Variants in C1orf21 observed in about 807,000 individuals in gnomAD.
The protein encoded by C1orf21 is uncharacterized protein C1orf21.
A neutral mutation model predicts 18.7 loss-of-function variants in C1orf21; 3 were observed. That is an observed-to-expected ratio of 0.16 (90% CI 0.07 to 0.42). The LOEUF is 0.42. Among genes scored for constraint, C1orf21 ranks in the 10% least tolerant of loss-of-function variants. The probability of loss-of-function intolerance (pLI) is 0.99; values close to 1 mark genes in which losing one functional copy is unlikely to be tolerated. For missense variants in C1orf21, 104 were observed against 143.6 expected, an observed-to-expected ratio of 0.72 and a Z score of 1.41; for synonymous variants, 41 against 46.4, an observed-to-expected ratio of 0.88 and a Z score of 0.47.
In C1orf21 at chr1:184,447,196, G is replaced by A. The variant is rs890637412; in HGVS notation, c.-124-30190G>A. 3.3e-5 allele frequency among the ~76,000 whole-genome samples: 5 copies of A among 152,234 alleles called. No homozygotes were observed. The South Asian group carries it at 1.0e-3, about 32-fold the overall frequency. ...TGTCTCCTTCCTCAGTCCTCTCCTA[G>A]TCTTGCTTTATACTAGGCATTCTTG... On this transcript the variant is annotated intron_variant, in intron 1 of 5. Coordinates refer to ENST00000235307, the MANE Select transcript of C1orf21 (RefSeq NM_030806.4).
intron 1 of C1orf21, among the ~76,000 whole-genome samples, chr1:184,447,732 C>G (rs1303636682): frequency 6.6e-6 from 1 of 152,158 alleles, no homozygotes; most frequent in East Asian, 1.9e-4. Flanking sequence ...GACATCTCTC[C>G]CCTGGTCACT....
At chr1:184,457,663 C>T (rs1227448122) in intron 1 of C1orf21, among the ~76,000 whole-genome samples, 2 of 152,090 alleles carry the variant, frequency 1.3e-5, no homozygotes, top group African/African-American at 4.8e-5. Flanking sequence ...TGGTGCCTCT[C>T]CGATGGGTAT....
At chr1:184,479,638 T>G (rs1442764004) in intron 2 of C1orf21, among the ~76,000 whole-genome samples, 1 of 147,848 alleles carries the variant, frequency 6.8e-6, no homozygotes, top group Admixed American at 6.8e-5. Context: ...TTTTTTTTTT[T>G]TGAGACAGTC....
chr1:184,488,582 T>C (rs1263349723), intron 2 of C1orf21, among the ~76,000 whole-genome samples: 1 of 152,254 alleles, frequency 6.6e-6, no homozygotes, highest in Non-Finnish European at 1.5e-5. Flanking sequence ...TATTCTGTTA[T>C]TTGTGATTAT....
chr1:184,510,083 G>A (rs1483255742), intron 3 of C1orf21, among the ~76,000 whole-genome samples: 1 of 152,182 alleles, frequency 6.6e-6, no homozygotes, highest in African/African-American at 2.4e-5. Context: ...AAAACAAAAG[G>A]AAAGAATAAA....
chr1:184,590,257 A>C (rs1383878705), intron 3 of C1orf21, among the ~76,000 whole-genome samples: 2 of 152,218 alleles, frequency 1.3e-5, no homozygotes, highest in Non-Finnish European at 1.5e-5. Context: ...ATTGAATTCA[A>C]TCTCAGCATT....
At chr1:184,612,372 C>G (rs1659749094) in intron 5 of C1orf21, among the ~76,000 whole-genome samples, 1 of 152,218 alleles carries the variant, frequency 6.6e-6, no homozygotes, top group Non-Finnish European at 1.5e-5. Context: ...ACTCCATTGC[C>G]CTACCCATGA....
chr1:184,510,724 G>A (rs1011503254), intron 3 of C1orf21, among the ~76,000 whole-genome samples: 10 of 152,198 alleles, frequency 6.6e-5, no homozygotes, highest in Middle Eastern at 3.2e-3. Context: ...GAGCCTTAAT[G>A]TCCAGCCAAG....
chr1:184,446,511 A>G (rs1016418673), intron 1 of C1orf21, among the ~76,000 whole-genome samples: 2 of 152,196 alleles, frequency 1.3e-5, no homozygotes, highest in Non-Finnish European at 2.9e-5. Flanking sequence ...TCTGCAGGAT[A>G]TAGAAGAATT....
intron 1 of C1orf21, among the ~76,000 whole-genome samples, chr1:184,458,737 T>TA (rs35836510): frequency 9.9e-5 from 15 of 152,182 alleles, no homozygotes; most frequent in African/African-American, 1.9e-4. Flanking sequence ...ATATGTGCCA[T>TA]AAAAAATCTT....
chr1:184,539,320 T>A (rs1203691116), intron 3 of C1orf21, among the ~76,000 whole-genome samples: 5 of 152,216 alleles, frequency 3.3e-5, no homozygotes, highest in Non-Finnish European at 7.3e-5. Flanking sequence ...TGTTGAACCA[T>A]CTTGGCATTC....
chr1:184,408,544 A>G (rs1451108061), intron 1 of C1orf21: 1 of 152,126 alleles, frequency 6.6e-6, no homozygotes, highest in Non-Finnish European at 1.5e-5. Flanking sequence ...TGGGCTTTTC[A>G]TTGCCTTGCT....
chr1:184,465,189 A>T (rs1657371786), intron 1 of C1orf21, among the ~76,000 whole-genome samples: 1 of 152,200 alleles, frequency 6.6e-6, no homozygotes, highest in South Asian at 2.1e-4. Context: ...TTGGGACCAG[A>T]GGAAGGACCC....
At chr1:184,554,158 T>C (rs914591437) in intron 3 of C1orf21, among the ~76,000 whole-genome samples, 1 of 152,216 alleles carries the variant, frequency 6.6e-6, no homozygotes, top group Non-Finnish European at 1.5e-5. Flanking sequence ...ACCAATAATT[T>C]TGATAACCTG....
At chr1:184,453,521 C>T (rs542495429) in intron 1 of C1orf21, among the ~76,000 whole-genome samples, 12 of 152,214 alleles carry the variant, frequency 7.9e-5, no homozygotes, top group African/African-American at 2.6e-4. Flanking sequence ...CATTGATCTG[C>T]GTTTTAATGT....
At chr1:184,498,682 T>G (rs768690766) in intron 2 of C1orf21, among the ~76,000 whole-genome samples, 3 of 152,244 alleles carry the variant, frequency 2.0e-5, no homozygotes, top group Non-Finnish European at 4.4e-5. Flanking sequence ...TATCTTTTCA[T>G]ATTTGCTGTT....
chr1:184,546,976 G>A (rs1232810701), intron 3 of C1orf21, among the ~76,000 whole-genome samples: 1 of 152,176 alleles, frequency 6.6e-6, no homozygotes, highest in East Asian at 1.9e-4. Flanking sequence ...TGATCTGGAG[G>A]ATCAGGGAAG....
chr1:184,410,664 T>TATATATATATATA (rs1553248058), intron 1 of C1orf21, among the ~76,000 whole-genome samples: 1 of 3,014 alleles, frequency 3.3e-4, no homozygotes, highest in Non-Finnish European at 5.0e-4. Context: ...TATATATATA[T>TATATATATATATA]TTTTTTTTTT....
At chr1:184,463,214 T>TGCAG (rs1473707408) in intron 1 of C1orf21, among the ~76,000 whole-genome samples, 1 of 152,150 alleles carries the variant, frequency 6.6e-6, no homozygotes, top group Non-Finnish European at 1.5e-5. Context: ...AGTCAACTGA[T>TGCAG]GCAGTTGTGC....
Sources: gnomAD v4.1 joint callset for allele counts (sites outside exome capture counted in the v4.1 genomes callset) on GRCh38, gnomAD v4.1.1 for gene constraint, MANE v1.5 for transcripts, NCBI Gene and HGNC (gene_info 2026-07-23, HGNC 2026-07-21) for gene names.